GGT1: variants seen among roughly 807,000 people sequenced by gnomAD.
GGT1 encodes gamma-glutamyltransferase 1, also known as glutathione hydrolase 1 proenzyme.
In GGT1, 21 loss-of-function variants were observed where a neutral mutation model predicts 56.0. That is an observed-to-expected ratio of 0.38 (90% CI 0.27 to 0.54). GGT1 has a LOEUF of 0.54. Ranked by LOEUF, GGT1 falls within the 20% of genes least tolerant of loss-of-function variation. The pLI, the probability that GGT1 is intolerant of heterozygous loss-of-function variation, is 0.82. For synonymous variants in GGT1, 238 were observed against 342.6 expected, an observed-to-expected ratio of 0.69 and a Z score of 3.37; for missense variants, 466 against 787.0, an observed-to-expected ratio of 0.59 and a Z score of 4.88.
At chr22:24,589,937 C>G, upstream of GGT1, 3 of 1,602,318 alleles carry the variant, frequency 1.9e-6, no homozygotes, top group Non-Finnish European at 2.6e-6. Context: ...AGGGTCCTCT[C>G]AAGGCCCAGG....
At position 24,623,014 on chromosome 22, in the gene GGT1, A is replaced by G. The variant is rs1555901373; in HGVS notation, c.734-93A>G. ...TTTTCCCCACCACCATGGTGCAGCC[A>G]TGCCTGCCCCCAACACCACTGCTGC... is the stretch of plus-strand genomic sequence containing the variant. On this transcript the variant is annotated intron_variant, in intron 9 of 15. Coordinates refer to ENST00000400382, the MANE Select transcript of GGT1 (RefSeq NM_001288833.2). 5.2e-6 allele frequency: 8 copies of G among 1,531,658 alleles called. No homozygotes were observed. The South Asian group carries it at 9.2e-5, about 18-fold the overall frequency. 94.9% of individuals were successfully genotyped at this position (1,531,658 alleles called of 1,614,324 possible). A position where few individuals can be genotyped will look rare whatever the true frequency, so the allele number is the denominator to read the frequency against.
At chr22:24,624,036 C>T (rs201116285) in intron 11 of GGT1, 120 bp downstream of exon 11, 47 of 1,532,938 alleles carry the variant, frequency 3.1e-5, no homozygotes, top group Admixed American at 1.6e-4. Flanking sequence ...CCACAGACTT[C>T]GATTGCGGGC....
chr22:24,625,355 C>T (rs972107622), intron 11 of GGT1, among the ~76,000 whole-genome samples: 5 of 152,000 alleles, frequency 3.3e-5, no homozygotes, highest in African/African-American at 1.2e-4. Flanking sequence ...CTCACTGCAG[C>T]CTCAACCTCC....
chr22:24,609,685 A>T (rs1162923098), intron 2 of GGT1: 1 of 295,330 alleles, frequency 3.4e-6, no homozygotes, highest in African/African-American at 2.3e-5. Context: ...TGGGAAACTG[A>T]CTGTGGGAGA....
chr22:24,605,444 A>G (rs1473552279), intron 1 of GGT1, among the ~76,000 whole-genome samples: 1 of 80,296 alleles, frequency 1.2e-5, no homozygotes, highest in African/African-American at 5.7e-5. Context: ...ATAACAATAT[A>G]TAATGTGTAT....
At chr22:24,593,786 CAAA>C (rs34143786), upstream of GGT1, among the ~76,000 whole-genome samples, 1 of 105,224 alleles carries the variant, frequency 9.5e-6, no homozygotes. Flanking sequence ...AACTCTGTCT[CAAA>C]AAAAAAAAAA....
chr22:24,624,276 C>T, intron 11 of GGT1: 3 of 932,868 alleles, frequency 3.2e-6, no homozygotes, highest in Non-Finnish European at 3.8e-6. Context: ...GAGACCTTGG[C>T]CACCCACTCC....
At chr22:24,585,875 TG>T in the GGT1 span, 17 of 1,565,364 alleles carry the variant, frequency 1.1e-5, no homozygotes, top group Admixed American at 1.8e-5. Context: ...ATGAGCCAGG[TG>T]GGTGGTGGGT....
chr22:24,622,609 T>G (rs1383204189), intron 9 of GGT1, among the ~76,000 whole-genome samples: 2 of 151,548 alleles, frequency 1.3e-5, no homozygotes, highest in African/African-American at 4.9e-5. Flanking sequence ...AAATTAAAAT[T>G]TGCTGGGTGT....
At chr22:24,624,370 C>G (rs2047617545) in intron 11 of GGT1, 1 of 985,448 alleles carries the variant, frequency 1.0e-6, no homozygotes, top group East Asian at 1.1e-4. Flanking sequence ...GCCCCAGCTC[C>G]ACACTGGGTC....
At chr22:24,594,350 C>T (rs1002721252), upstream of GGT1, among the ~76,000 whole-genome samples, 4 of 150,606 alleles carry the variant, frequency 2.7e-5, no homozygotes, top group Admixed American at 6.6e-5. Flanking sequence ...GAGCACTGTC[C>T]GAGGGCATAT....
chr22:24,623,156 C>G lies in GGT1; in HGVS notation c.783C>G (p.Ile261Met), dbSNP rs780079656. The G allele has an allele frequency of 3.6e-5, 58 of 1,606,630 alleles. 1 individual carries two copies. The South Asian group carries it at 6.4e-4, about 18-fold the overall frequency. ...EDLNNYRAEL[I>M]EHPLNISLGD... ...TGAACAACTACCGTGCTGAGCTGAT[C>G]GAGCACCCGCTGAACATCAGCCTGG... Residue 261 changes from isoleucine (I) to methionine (M), a missense_variant, in exon 10 of 16, where the codon ATC becomes ATG. This residue lies in a region of GGT1 where 456 missense variants were observed against 716.7 expected (regional missense o/e 0.64). Transcript: ENST00000400382.
Position 24,621,073 on chromosome 22 carries a change from G to A in GGT1, c.733+3G>A, listed in dbSNP as rs762014501. 2 of 1,569,498 alleles carry A rather than the reference G, an allele frequency of 1.3e-6. No individual in the cohort carries two copies. Among genetic ancestry groups the A allele is most frequent in the East Asian group, 2.4e-5 (1 of 42,302 alleles). On this transcript the variant is annotated splice_donor_region_variant and intron_variant, in intron 9 of 15. Coordinates refer to ENST00000400382, the MANE Select transcript of GGT1 (RefSeq NM_001288833.2). ...TGTGAAGGACATCCAGGCGGCCGGT[G>A]AGTGGGTAACCTCAGGGGCCTGGGT...
At chr22:24,611,570 C>G (rs2147333282) in intron 5 of GGT1, among the ~76,000 whole-genome samples, 1 of 151,540 alleles carries the variant, frequency 6.6e-6, no homozygotes, top group Middle Eastern at 3.4e-3. Context: ...ATCTATCTAT[C>G]TATCTATCTA....
rs201399186 is a variant in GGT1 at position 24,627,539 on chromosome 22, G to A, written c.1128G>A (p.Pro376=). The change falls in exon 12 of 16, where the codon CCG becomes CCA. Residue 376 remains proline, a synonymous_variant. Coordinates refer to ENST00000400382, the MANE Select transcript of GGT1 (RefSeq NM_001288833.2). ...ISYYKPEFYT[P]DDGGTAHLSV... is the part of the protein sequence containing the mutation. Reference sequence around the variant, plus strand: ...ACTACAAGCCCGAGTTCTACACGCCGGATGACGGGGGCACTGCTCACCTGT... The same window carrying A: ...ACTACAAGCCCGAGTTCTACACGCCAGATGACGGGGGCACTGCTCACCTGT... The A allele has an allele frequency of 1.3e-4, 202 of 1,609,244 alleles. No homozygotes were observed. The highest frequency in any genetic ancestry group is 2.9e-4 in the East Asian group (13 of 44,846).
upstream of GGT1, among the ~76,000 whole-genome samples, chr22:24,594,020 C>A (rs1030822674): frequency 9.2e-5 from 14 of 152,208 alleles, no homozygotes; most frequent in Non-Finnish European, 1.8e-4. Flanking sequence ...GTATCTGCCG[C>A]TGGCTTCAGT....
chr22:24,603,806 TG>T (rs1466282614), intron 1 of GGT1, among the ~76,000 whole-genome samples: 1 of 137,646 alleles, frequency 7.3e-6, no homozygotes, highest in East Asian at 2.4e-4. Flanking sequence ...GTGATGGGGT[TG>T]GGGGACCCTG....
At position 24,623,112 on chromosome 22, in the gene GGT1, A is replaced by T. The variant is rs201702239; in HGVS notation, c.739A>T (p.Ile247Phe). The change falls in exon 10 of 16, where the codon ATT becomes TTT. Residue 247 changes from isoleucine (I) to phenylalanine (F), a missense_variant. This residue lies in a region of GGT1 where 456 missense variants were observed against 716.7 expected (regional missense o/e 0.64). Coordinates refer to ENST00000400382, the MANE Select transcript of GGT1 (RefSeq NM_001288833.2). Reference protein sequence around the residue: ...IVKDIQAAGGIVTAEDLNNYR... With the variant: ...IVKDIQAAGGFVTAEDLNNYR... The stretch of plus-strand genomic sequence containing the variant: ...GAGCTGCTGTCCCATTGCAGGGGGC[A>T]TTGTGACAGCTGAGGACCTGAACAA... The T allele has an allele frequency of 2.5e-6, 4 of 1,611,818 alleles. No homozygotes were observed.
rs1470761405 is a variant in GGT1 at position 24,620,020 on chromosome 22, A to T, written c.383-308A>T. Among the ~76,000 whole-genome samples the T allele has an allele frequency of 7.7e-6, 1 of 129,100 alleles. No homozygotes were observed. The highest frequency in any genetic ancestry group is 3.0e-5 in the African/African-American group (1 of 32,836). 84.7% of individuals were successfully genotyped at this position (129,100 alleles called of 152,430 possible). ...AAAAAATTAAACATCCCCTCCTAAA[A>T]AAAAACAATTAAAATTAAAAAATAA... is the stretch of plus-strand genomic sequence containing the variant. On this transcript the variant is annotated intron_variant, in intron 7 of 15. Coordinates refer to ENST00000400382, the MANE Select transcript of GGT1 (RefSeq NM_001288833.2). This position sits in a 1 kb window ranked among gnomAD's most constrained non-coding sequence, Gnocchi z 5.6.
Sources: allele counts gnomAD v4.1 joint callset (sites outside exome capture counted in the v4.1 genomes callset), GRCh38; gene constraint gnomAD v4.1.1; regional missense constraint gnomAD v4.1.1; non-coding constraint Gnocchi (gnomAD v3.1); transcripts MANE v1.5; gene names NCBI Gene and HGNC (gene_info 2026-07-23, HGNC 2026-07-21).